Variants in ATM observed in about 807,000 individuals in gnomAD.
The protein encoded by ATM is ATM serine/threonine kinase.
Under a neutral mutation model 387.0 loss-of-function variants are expected in ATM, and 308 were observed. The ratio of observed to expected loss-of-function variants is 0.80; its 90% CI spans 0.73 to 0.87. The LOEUF (loss-of-function observed/expected upper bound fraction) is 0.87. ATM is among the 40% of genes least tolerant of loss of function. The pLI is 0.00. For missense variants in ATM, 3,312 were observed against 3,560.9 expected (o/e 0.93, Z 1.78); for synonymous variants, 1,156 against 1,187.3 (o/e 0.97, Z 0.54).
intron 10 of ATM, 138 bp downstream of exon 10, chr11:108,251,210 T>A: frequency 7.5e-7 from 1 of 1,338,236 alleles, no homozygotes; most frequent in Non-Finnish European, 1.0e-6. Context: ...TTTTCTTGTT[T>A]GGCCGAGAAG....
intron 56 of ATM, 49 bp from the exon 57 acceptor site, chr11:108,343,173 C>T (rs759233567): frequency 1.9e-6 from 3 of 1,603,812 alleles, no homozygotes; most frequent in Non-Finnish European, 2.6e-6. Flanking sequence ...TCATCAAATG[C>T]TCTTTAATGG....
chr11:108,256,190 A>AT lies in ATM; in HGVS notation c.2125-20dup, dbSNP rs1565394335. 4 of 1,542,594 alleles carry AT rather than the reference A, an allele frequency of 2.6e-6. No homozygotes were observed. In the South Asian group the frequency reaches 4.8e-5, roughly 18 times the overall value. The stretch of plus-strand genomic sequence containing the variant: ...ACTAAATTATTTATGAAATATATAT[A>AT]TTTTTATTTGTGGTTTACTTTAAGA... On this transcript the variant is annotated intron_variant, in intron 13 of 62. Transcript: ENST00000675843.
rs876660877 is a variant in ATM at position 108,333,904 on chromosome 11, C to G, written c.7946C>G (p.Ala2649Gly). Reference sequence around the variant, plus strand: ...AATACAGAAGGCATAAATATTCCAGCAGACCAGCCAATTACTAAACTTAAG... The same window carrying G: ...AATACAGAAGGCATAAATATTCCAGGAGACCAGCCAATTACTAAACTTAAG... The part of the protein sequence containing the change: ...KTQRKGINIP[A>G]DQPITKLKNL... Residue 2649 changes from alanine (A) to glycine (G), a missense_variant, in exon 54 of 63, where the codon GCA (alanine) becomes GGA (glycine). By Grantham distance (60) the Ala-to-Gly change is moderately conservative. Transcript: ENST00000675843. 6.2e-7 allele frequency: 1 copy of G among 1,609,958 alleles called. No homozygotes were observed. Among genetic ancestry groups the G allele is most frequent in the Non-Finnish European group, 8.5e-7 (1 of 1,176,274 alleles).
chr11:108,319,748 G>C (rs2085052490), intron 43 of ATM, among the ~76,000 whole-genome samples: 1 of 152,166 alleles, frequency 6.6e-6, no homozygotes, highest in South Asian at 2.1e-4. Flanking sequence ...GAACCAGGCA[G>C]AGTATCTGAG....
chr11:108,293,953 G>A lies in ATM; in HGVS notation c.4776+476G>A, dbSNP rs2082981430. 4.7e-5 allele frequency among the ~76,000 whole-genome samples: 7 copies of A among 147,566 alleles called. No individual in the cohort carries two copies. In the South Asian group the frequency reaches 1.5e-3, roughly 31 times the overall value. On this transcript the variant is annotated intron_variant, in intron 31 of 62. Transcript: ENST00000675843. ...TATATAAACACATACTTGTGTGTGT[G>A]TAACGTGAGATCTACCTACTTAAGA...
rs958750512 is a variant in ATM, at chr11:108,287,618, A to G, written c.4012A>G (p.Ser1338Gly). 2 of 1,612,006 alleles carry G rather than the reference A, an allele frequency of 1.2e-6. No homozygotes were observed. Among genetic ancestry groups the G allele is most frequent in the South Asian group, 2.2e-5 (2 of 90,982 alleles). ...CTTGCAGATTGATCACTTATTCATT[A>G]GTAATTTACCAGAGATTGTGGTGGA... ...LGKQIDHLFI[S>G]NLPEIVVELL... is the part of the protein sequence containing the mutation. Residue 1338 changes from serine to glycine, a missense_variant, in exon 27 of 63, where the codon AGT becomes GGT. This residue lies in a region of ATM where 1,791 missense variants were observed against 1,804.5 expected (regional missense o/e 0.99). Coordinates refer to ENST00000675843, the MANE Select transcript of ATM (RefSeq NM_000051.4).
Position 108,250,792 on chromosome 11 carries a change from C to G in ATM, c.1327C>G (p.Leu443Val), listed in dbSNP as rs1057524185. 3 of 1,613,444 alleles carry G rather than the reference C, an allele frequency of 1.9e-6. No homozygotes were observed. The South Asian group carries it at 3.3e-5, about 18-fold the overall frequency. The stretch of plus-strand genomic sequence containing the variant: ...ATTACTGATGATACTATCTCAGCTT[C>G]TACCCCAACAGCGACATGGGGAACG... Reference protein sequence around the residue: ...SPLLMILSQLLPQQRHGERTP... With the variant: ...SPLLMILSQLVPQQRHGERTP... Residue 443 changes from leucine (L) to valine (V), a missense_variant, in exon 10 of 63, where the codon CTA becomes GTA. Around this residue, in one of 4 missense-constraint regions of ATM, gnomAD observed 1,791 missense variants for 1,804.5 expected, o/e 0.99. Transcript: ENST00000675843.
intron 12 of ATM, 108 bp from the exon 13 acceptor site, chr11:108,253,706 A>C (rs1453434911): frequency 1.4e-6 from 1 of 715,884 alleles, no homozygotes; most frequent in Non-Finnish European, 2.3e-6. Flanking sequence ...TAGTCTTTGA[A>C]TGATGTAGAT....
At chr11:108,331,182 A>G (rs1591165641) in intron 50 of ATM, 1 of 1,152,010 alleles carries the variant, frequency 8.7e-7, no homozygotes, top group East Asian at 5.4e-5. Flanking sequence ...TTTTTGGAAT[A>G]TAAACAGTAC....
At chr11:108,245,150 A>G in intron 7 of ATM, 124 bp downstream of exon 7, 2 of 816,552 alleles carry the variant, frequency 2.4e-6, no homozygotes, top group Non-Finnish European at 4.0e-6. Flanking sequence ...TGATAATGTT[A>G]CTTAGCCATG....
In ATM at chr11:108,244,879, T is replaced by G. The variant is rs863224580; in HGVS notation, c.754T>G (p.Cys252Gly). The part of the protein sequence containing the change: ...TLAVNFRIRV[C>G]ELGDEILPTL... ...GGCTGTCAACTTTCGAATTCGAGTG[T>G]GTGAATTAGGAGATGAAATTCTTCC... The change falls in exon 7 of 63, where the codon TGT (cysteine) becomes GGT (glycine). Residue 252 changes from cysteine (C) to glycine (G), a missense_variant. This residue lies in a region of ATM where 1,791 missense variants were observed against 1,804.5 expected (regional missense o/e 0.99). Transcript: ENST00000675843. 1 of 1,613,898 alleles carries G rather than the reference T, an allele frequency of 6.2e-7. No individual in the cohort carries two copies. The highest frequency in any genetic ancestry group is 1.7e-5 in the Admixed American group (1 of 60,004).
intron 45 of ATM, among the ~76,000 whole-genome samples, chr11:108,324,442 TATC>T (rs2085459442): frequency 6.6e-6 from 1 of 152,164 alleles, no homozygotes; most frequent in African/African-American, 2.4e-5. Flanking sequence ...TCTAATATGA[TATC>T]ATATCTAATA....
At chr11:108,304,894 T>C in intron 37 of ATM, 42 bp downstream of exon 37, 2 of 1,593,330 alleles carry the variant, frequency 1.3e-6, no homozygotes, top group Non-Finnish European at 1.7e-6. Flanking sequence ...TAAACTCAGT[T>C]CTAGAGAAAG....
At chr11:108,233,664 T>C (rs1015051042) in intron 4 of ATM, among the ~76,000 whole-genome samples, 13 of 149,048 alleles carry the variant, frequency 8.7e-5, no homozygotes, top group Non-Finnish European at 1.5e-4. Flanking sequence ...CTGGGCAACA[T>C]AGGGAGACCC....
chr11:108,240,185 A>G (rs2079486082), intron 5 of ATM, among the ~76,000 whole-genome samples: 1 of 152,124 alleles, frequency 6.6e-6, no homozygotes, highest in Non-Finnish European at 1.5e-5. Context: ...ATTTTTAAAG[A>G]TCTTTTTCTG....
At chr11:108,357,843 G>GA (rs2090200792) in intron 61 of ATM, among the ~76,000 whole-genome samples, 1 of 151,378 alleles carries the variant, frequency 6.6e-6, no homozygotes, top group African/African-American at 2.4e-5. Context: ...CAAAGATGGG[G>GA]AAAAAACAGA....
At chr11:108,342,608 A>G (rs1055844273) in intron 56 of ATM, among the ~76,000 whole-genome samples, 2 of 152,182 alleles carry the variant, frequency 1.3e-5, no homozygotes, top group African/African-American at 4.8e-5. Flanking sequence ...AATGTGAGAA[A>G]ATCCTAGATT....
intron 8 of ATM, 120 bp from the exon 9 acceptor site, chr11:108,248,813 G>A: frequency 1.2e-6 from 1 of 805,522 alleles, no homozygotes; most frequent in South Asian, 1.8e-5. Flanking sequence ...ACTTGAACCT[G>A]GGAGGTAGAG....
Position 108,310,337 on chromosome 11 carries a change from G to T in ATM, c.5918+22G>T, listed in dbSNP as rs368629884. On this transcript the variant is annotated intron_variant, in intron 39 of 62. Transcript: ENST00000675843. ...AAAGGTAATGGAATTTAGAATTTTTGGTTTTTAAAATTAATGTTGGCATTG... is the reference window on the plus strand; with the variant it reads ...AAAGGTAATGGAATTTAGAATTTTTTGTTTTTAAAATTAATGTTGGCATTG... 1.9e-5 allele frequency: 30 copies of T among 1,606,388 alleles called. No homozygotes were observed. The African/African-American group carries it at 2.8e-4, about 15-fold the overall frequency.
Sources: gnomAD v4.1 joint callset for allele counts (sites outside exome capture counted in the v4.1 genomes callset) on GRCh38, gnomAD v4.1.1 for gene constraint, gnomAD v4.1.1 regional missense constraint, MANE v1.5 for transcripts, NCBI Gene and HGNC (gene_info 2026-07-23, HGNC 2026-07-21) for gene names.